SNX4: variants seen among roughly 807,000 people sequenced by gnomAD.
The protein encoded by SNX4 is sorting nexin 4, also known as sorting nexin-4.
A neutral mutation model predicts 70.8 loss-of-function variants in SNX4; 49 were observed. The observed-to-expected ratio is 0.69, with a 90% CI of 0.55 to 0.88. SNX4 has a LOEUF of 0.88. Ranked by LOEUF, SNX4 falls within the 40% of genes least tolerant of loss-of-function variation. The pLI is 0.00. For missense variants in SNX4, 528 were observed against 544.8 expected (o/e 0.97, Z 0.31); for synonymous variants, 206 against 183.8 (o/e 1.12, Z -0.98).
rs28384509 is a variant in SNX4 at position 125,520,148 on chromosome 3, C to G, written c.25G>C (p.Glu9Gln). 4.9e-4 allele frequency: 627 copies of G among 1,275,572 alleles called. 7 individuals are homozygous for G. In the East Asian group the frequency reaches 0.029, roughly 59 times the overall value. 79.0% of individuals were successfully genotyped at this position (1,275,572 alleles called of 1,614,324 possible). MEQAPPDP[E>Q]RQLQPAPLEP... ...AAGGGCGCCGGCTGGAGCTGCCGCT[C>G]GGGGTCCGGAGGTGCCTGCTCCATG... Residue 9 changes from glutamate (E) to glutamine (Q), a missense_variant, in exon 1 of 14, where the codon GAG becomes CAG. By Grantham distance (29) the Glu-to-Gln change is conservative. This residue lies in a region of SNX4 where 341 missense variants were observed against 312.2 expected (regional missense o/e 1.09). Coordinates refer to ENST00000251775, the MANE Select transcript of SNX4 (RefSeq NM_003794.4).
intron 12 of SNX4, among the ~76,000 whole-genome samples, chr3:125,452,336 T>C (rs997627127): frequency 1.3e-5 from 2 of 152,152 alleles, no homozygotes; most frequent in African/African-American, 4.8e-5. Flanking sequence ...CCTCAGGCAA[T>C]CCACTCTCCT....
chr3:125,512,368 A>C (rs1935189508), intron 1 of SNX4, among the ~76,000 whole-genome samples: 1 of 152,204 alleles, frequency 6.6e-6, no homozygotes, highest in African/African-American at 2.4e-5. Context: ...TCATAAATTG[A>C]CCCTGTCATA....
In SNX4 at chr3:125,489,433, T is replaced by C. The variant is rs768642965; in HGVS notation, c.628A>G (p.Thr210Ala). 3.7e-6 allele frequency: 6 copies of C among 1,613,578 alleles called. No individual in the cohort carries two copies. In the Admixed American group the frequency reaches 1.0e-4, roughly 27 times the overall value. Residue 210 changes from threonine (T) to alanine (A), a missense_variant, in exon 6 of 14, where the codon ACA becomes GCA. Around this residue, in one of 3 missense-constraint regions of SNX4, gnomAD observed 341 missense variants for 312.2 expected, o/e 1.09. Transcript: ENST00000251775. ...TTGTCTGGGTTTTTCACTCTGAATGTTGCATTAAGCGCTTTTAACCTGGAG... is the reference window on the plus strand; with the variant it reads ...TTGTCTGGGTTTTTCACTCTGAATGCTGCATTAAGCGCTTTTAACCTGGAG... ...ADSRLKALNA[T>A]FRVKNPDKRF...
chr3:125,469,256 C>T (rs1243516365), intron 9 of SNX4, among the ~76,000 whole-genome samples, 198 bp downstream of exon 9: 1 of 152,134 alleles, frequency 6.6e-6, no homozygotes. Context: ...CATCTTCATT[C>T]TGTTAAAATA....
At chr3:125,508,255 T>G (rs900230087) in intron 1 of SNX4, among the ~76,000 whole-genome samples, 5 of 152,244 alleles carry the variant, frequency 3.3e-5, no homozygotes, top group Admixed American at 6.5e-5. Context: ...GGACCCCAAA[T>G]AGCCAAAGCA....
chr3:125,459,403 T>C (rs1168046669), intron 10 of SNX4, among the ~76,000 whole-genome samples: 2 of 152,186 alleles, frequency 1.3e-5, no homozygotes, highest in Non-Finnish European at 2.9e-5. Context: ...ATCCCTTTTA[T>C]AATTTTTAAG....
At chr3:125,519,507 C>T (rs1935351577) in intron 1 of SNX4, among the ~76,000 whole-genome samples, 1 of 152,170 alleles carries the variant, frequency 6.6e-6, no homozygotes, top group Admixed American at 6.5e-5. Context: ...GATGGCAGCA[C>T]CAGGCCAACC....
chr3:125,454,377 G>C (rs1168776057), intron 11 of SNX4, among the ~76,000 whole-genome samples: 1 of 152,160 alleles, frequency 6.6e-6, no homozygotes, highest in Non-Finnish European at 1.5e-5. Context: ...CGCATGTGAG[G>C]GATCCAGGTT....
At chr3:125,487,897 C>T (rs745797917) in intron 6 of SNX4, among the ~76,000 whole-genome samples, 2 of 151,920 alleles carry the variant, frequency 1.3e-5, no homozygotes, top group African/African-American at 4.8e-5. Flanking sequence ...GGTGGATACA[C>T]GTCATTATCC....
intron 13 of SNX4, chr3:125,449,242 T>G (rs1165311818): frequency 6.6e-6 from 1 of 151,528 alleles, no homozygotes; most frequent in Non-Finnish European, 1.5e-5. Flanking sequence ...GCCAACATGG[T>G]GAAACCGTCT....
intron 5 of SNX4, among the ~76,000 whole-genome samples, chr3:125,492,766 T>G (rs960227492): frequency 6.6e-6 from 1 of 152,198 alleles, no homozygotes; most frequent in Non-Finnish European, 1.5e-5. Flanking sequence ...CCACAACGCT[T>G]AGAAGAGTAC....
In SNX4 at chr3:125,460,219, GT is replaced by G. The variant is rs1389350944; in HGVS notation, c.944+551del. ...GTCTCAAAAAAAAAAAAAAAAAAAA[GT>G]GACAGGACAACTGACCAAAAGCCAC... On this transcript the variant is annotated intron_variant, in intron 10 of 13. Coordinates refer to ENST00000251775, the MANE Select transcript of SNX4 (RefSeq NM_003794.4). Among the ~76,000 whole-genome samples the G allele has an allele frequency of 3.1e-3, 444 of 140,988 alleles. 2 individuals are homozygous for G. The highest frequency in any genetic ancestry group is 0.018 in the South Asian group (81 of 4,494). 92.5% of individuals were successfully genotyped at this position (140,988 alleles called of 152,430 possible). A position where few individuals can be genotyped will look rare whatever the true frequency, so the allele number is the denominator to read the frequency against.
chr3:125,502,924 T>C (rs145964964), intron 2 of SNX4, among the ~76,000 whole-genome samples: 2 of 143,476 alleles, frequency 1.4e-5, no homozygotes, highest in African/African-American at 5.3e-5. Flanking sequence ...GTAGTTTTTT[T>C]TTTTTTTCTT....
chr3:125,492,537 AACTTTATGGTC>A (rs1186764990), intron 5 of SNX4, among the ~76,000 whole-genome samples: 1 of 152,104 alleles, frequency 6.6e-6, no homozygotes, highest in Non-Finnish European at 1.5e-5. Context: ...TTGGATAATA[AACTTTATGGTC>A]ACTCATCTTA....
At chr3:125,495,424 G>A (rs1934773299) in intron 5 of SNX4, among the ~76,000 whole-genome samples, 1 of 151,082 alleles carries the variant, frequency 6.6e-6, no homozygotes, top group Admixed American at 6.6e-5. Flanking sequence ...AACAAAATAA[G>A]GAATACAGAG....
At chr3:125,464,919 AT>A in intron 9 of SNX4, among the ~76,000 whole-genome samples, 1 of 151,656 alleles carries the variant, frequency 6.6e-6, no homozygotes, top group East Asian at 2.0e-4. Context: ...TAATATTTAT[AT>A]TTTTAGTAGA....
At position 125,493,221 on chromosome 3, in the gene SNX4, C is replaced by T. The variant is rs914143374; in HGVS notation, c.598-3758G>A. On this transcript the variant is annotated intron_variant, in intron 5 of 13. Coordinates refer to ENST00000251775, the MANE Select transcript of SNX4 (RefSeq NM_003794.4). ...GCCTCAGCTTCCCAAGTAGCTAGAA[C>T]TATAGGAACATGCCACCAAGCCCAG... Among the ~76,000 whole-genome samples the T allele has an allele frequency of 7.9e-5, 12 of 152,202 alleles. No homozygotes were observed. In the East Asian group the frequency reaches 2.1e-3, roughly 27 times the overall value.
In SNX4 at chr3:125,472,237, C is replaced by T. The variant is rs191819260; in HGVS notation, c.789-2718G>A. ...TGATAAAACCAGCTTTGTATTTCTT[C>T]CCCTCTCAAACTGCAAACCAAAGAA... On this transcript the variant is annotated intron_variant, in intron 8 of 13. Transcript: ENST00000251775. 2.4e-4 allele frequency among the ~76,000 whole-genome samples: 36 copies of T among 152,196 alleles called. No homozygotes were observed. The East Asian group carries it at 3.3e-3, about 14-fold the overall frequency.
chr3:125,509,288 C>G (rs987669533), intron 1 of SNX4, among the ~76,000 whole-genome samples: 7 of 150,212 alleles, frequency 4.7e-5, no homozygotes, highest in Non-Finnish European at 1.0e-4. Flanking sequence ...CAAGATTGCA[C>G]CACTGCACTC....
Sources: gnomAD v4.1 joint callset for allele counts (sites outside exome capture counted in the v4.1 genomes callset) on GRCh38, gnomAD v4.1.1 for gene constraint, gnomAD v4.1.1 regional missense constraint, MANE v1.5 for transcripts, NCBI Gene and HGNC (gene_info 2026-07-23, HGNC 2026-07-21) for gene names.